SDK1: variants seen among roughly 807,000 people sequenced by gnomAD.
SDK1 encodes sidekick cell adhesion molecule 1.
Under a neutral mutation model 245.5 loss-of-function variants are expected in SDK1, and 157 were observed. That is an observed-to-expected ratio of 0.64 (90% CI 0.56 to 0.73). SDK1 has a LOEUF of 0.73. Ranked by LOEUF, SDK1 falls within the 30% of genes least tolerant of loss-of-function variation. The probability of loss-of-function intolerance (pLI) is 0.00; values close to 1 mark genes in which losing one functional copy is unlikely to be tolerated. For synonymous variants in SDK1, 1,647 were observed against 1,278.5 expected, an observed-to-expected ratio of 1.29 and a Z score of -6.15; for missense variants, 3,583 against 3,002.3, an observed-to-expected ratio of 1.19 and a Z score of -4.52.
At chr7:3,661,621 A>G (rs1039845528) in intron 4 of SDK1, among the ~76,000 whole-genome samples, 4 of 152,234 alleles carry the variant, frequency 2.6e-5, no homozygotes, top group African/African-American at 9.6e-5. Flanking sequence ...AACTGTTTCT[A>G]AATTCTTAGT....
chr7:3,331,168 G>A (rs1780059811), intron 1 of SDK1, among the ~76,000 whole-genome samples: 1 of 152,096 alleles, frequency 6.6e-6, no homozygotes. Flanking sequence ...GGAGGCTGAG[G>A]CAGGAGAATC....
chr7:3,345,922 G>A (rs947827291), intron 1 of SDK1, among the ~76,000 whole-genome samples: 2 of 152,188 alleles, frequency 1.3e-5, no homozygotes, highest in Non-Finnish European at 2.9e-5. Context: ...GAATTGCAGT[G>A]TCATCACCCA....
intron 44 of SDK1, among the ~76,000 whole-genome samples, chr7:4,247,825 G>T (rs1786994249): frequency 6.6e-6 from 1 of 152,154 alleles, no homozygotes; most frequent in African/African-American, 2.4e-5. Context: ...GCAGGCGGCT[G>T]TTGAAGCTGA....
At chr7:3,848,264 C>G (rs1218848123) in intron 5 of SDK1, among the ~76,000 whole-genome samples, 4 of 152,146 alleles carry the variant, frequency 2.6e-5, no homozygotes, top group Non-Finnish European at 5.9e-5. Context: ...GTTTTGGGGT[C>G]CTGATGAAAG....
intron 1 of SDK1, among the ~76,000 whole-genome samples, chr7:3,484,893 A>G (rs1781634970): frequency 6.6e-6 from 1 of 152,190 alleles, no homozygotes; most frequent in African/African-American, 2.4e-5. Context: ...TTGTTTGTTC[A>G]TTCATCTGTT....
intron 19 of SDK1, among the ~76,000 whole-genome samples, chr7:4,060,909 C>T (rs12111621): frequency 0.049 from 7,444 of 151,594 alleles, 320 homozygotes; most frequent in African/African-American, 0.11. Context: ...ATCCTTTACC[C>T]ATTGCTTGTT....
chr7:3,706,155 A>G (rs759270547), intron 4 of SDK1, among the ~76,000 whole-genome samples: 4 of 152,084 alleles, frequency 2.6e-5, no homozygotes, highest in Non-Finnish European at 4.4e-5. Context: ...GTGCTGTTGG[A>G]TTCAATTAGT....
intron 17 of SDK1, among the ~76,000 whole-genome samples, chr7:4,048,514 C>T (rs918056800): frequency 6.6e-6 from 1 of 151,898 alleles, no homozygotes; most frequent in African/African-American, 2.4e-5. Context: ...TCCGTGTGCA[C>T]CCATCCTCGC....
chr7:3,915,224 C>G (rs1409993243), intron 5 of SDK1, among the ~76,000 whole-genome samples: 1 of 152,212 alleles, frequency 6.6e-6, no homozygotes, highest in East Asian at 1.9e-4. Flanking sequence ...CCATTCTCTC[C>G]AGCTCACTCG....
At chr7:3,575,773 C>T in intron 1 of SDK1, among the ~76,000 whole-genome samples, 1 of 152,008 alleles carries the variant, frequency 6.6e-6, no homozygotes, top group East Asian at 1.9e-4. Flanking sequence ...ACAGGCTTCC[C>T]AGTCTATCAT....
intron 32 of SDK1, among the ~76,000 whole-genome samples, chr7:4,173,778 G>A (rs1023650867): frequency 1.3e-5 from 2 of 152,280 alleles, no homozygotes; most frequent in South Asian, 4.1e-4. Context: ...GAGGGGTACA[G>A]TACGGCAGCC....
intron 1 of SDK1, among the ~76,000 whole-genome samples, chr7:3,314,331 T>TA (rs1779614781): frequency 1.3e-5 from 2 of 152,210 alleles, no homozygotes; most frequent in Admixed American, 6.5e-5. Context: ...CCTTCATATT[T>TA]AGCCAGTACA....
chr7:4,142,284 A>G (rs190799471), intron 28 of SDK1, among the ~76,000 whole-genome samples: 5 of 149,382 alleles, frequency 3.3e-5, no homozygotes, highest in Non-Finnish European at 3.0e-5. Flanking sequence ...ACTGGGTTAC[A>G]CATCATTCTT....
chr7:3,413,060 G>C (rs1378800526), intron 1 of SDK1, among the ~76,000 whole-genome samples: 1 of 152,184 alleles, frequency 6.6e-6, no homozygotes, highest in South Asian at 2.1e-4. Flanking sequence ...TTGTAACTTG[G>C]CAGGGGGCAG....
At chr7:4,212,315 G>C (rs1335547464) in intron 38 of SDK1, among the ~76,000 whole-genome samples, 1 of 152,108 alleles carries the variant, frequency 6.6e-6, no homozygotes, top group Non-Finnish European at 1.5e-5. Flanking sequence ...ATTTTATGAA[G>C]TGCTCAGAAA....
intron 5 of SDK1, among the ~76,000 whole-genome samples, chr7:3,915,063 C>A (rs568187594): frequency 1.3e-5 from 2 of 152,200 alleles, no homozygotes; most frequent in African/African-American, 4.8e-5. Flanking sequence ...TGATTATTCT[C>A]TTGTACGGCC....
chr7:3,402,350 G>T (rs1217986160), intron 1 of SDK1, among the ~76,000 whole-genome samples: 1 of 152,132 alleles, frequency 6.6e-6, no homozygotes, highest in African/African-American at 2.4e-5. Context: ...TATTGTGTCT[G>T]CCCAAGAAAT....
At chr7:3,627,595 C>T (rs981201803) in intron 2 of SDK1, among the ~76,000 whole-genome samples, 4 of 152,220 alleles carry the variant, frequency 2.6e-5, no homozygotes, top group Non-Finnish European at 5.9e-5. Context: ...GAGGGCTCAG[C>T]ATCAGTCTCT....
At chr7:3,617,447 G>T (rs1441460404) in intron 1 of SDK1, among the ~76,000 whole-genome samples, 1 of 152,214 alleles carries the variant, frequency 6.6e-6, no homozygotes, top group African/African-American at 2.4e-5. Flanking sequence ...GCAAAGATGA[G>T]CATGCACAGA....
Sources: allele counts gnomAD v4.1 joint callset (sites outside exome capture counted in the v4.1 genomes callset), GRCh38; gene constraint gnomAD v4.1.1; transcripts MANE v1.5; gene names NCBI Gene and HGNC (gene_info 2026-07-23, HGNC 2026-07-21).